Variants in TAFA2 observed in about 807,000 individuals in gnomAD.
The protein encoded by TAFA2 is chemokine-like protein TAFA-2.
A neutral mutation model predicts 18.8 loss-of-function variants in TAFA2; 7 were observed. That is an observed-to-expected ratio of 0.37 (90% CI 0.21 to 0.70). The LOEUF is 0.70. Among genes scored for constraint, TAFA2 ranks in the 30% least tolerant of loss-of-function variants. The pLI is 0.53. For synonymous variants in TAFA2, 60 were observed against 54.2 expected (o/e 1.11, Z -0.47); for missense variants, 122 against 158.1 (o/e 0.77, Z 1.23).
chr12:62,158,163 A>G (rs1428861898), intron 1 of TAFA2, among the ~76,000 whole-genome samples: 1 of 152,204 alleles, frequency 6.6e-6, no homozygotes, highest in Non-Finnish European at 1.5e-5. Context: ...TGTATAATCT[A>G]AAGAGATAGA....
intron 1 of TAFA2, among the ~76,000 whole-genome samples, chr12:62,110,414 A>C (rs905361524): frequency 1.3e-5 from 2 of 152,108 alleles, no homozygotes; most frequent in Non-Finnish European, 2.9e-5. Flanking sequence ...CTTGATGTTC[A>C]TCAGGGATAT....
chr12:61,733,476 C>T (rs998567724), intron 4 of TAFA2, among the ~76,000 whole-genome samples: 18 of 151,712 alleles, frequency 1.2e-4, no homozygotes, highest in African/African-American at 4.1e-4. Context: ...GATCCAGTTT[C>T]AGCTTTCTAC....
At chr12:62,198,781 C>T (rs545755782) in intron 1 of TAFA2, among the ~76,000 whole-genome samples, 5 of 152,312 alleles carry the variant, frequency 3.3e-5, no homozygotes, top group African/African-American at 1.2e-4. Context: ...TTAACTTATG[C>T]TATCCCCATC....
At chr12:61,755,751 A>G (rs1193153915) in intron 2 of TAFA2, among the ~76,000 whole-genome samples, 1 of 151,988 alleles carries the variant, frequency 6.6e-6, no homozygotes, top group Non-Finnish European at 1.5e-5. Context: ...CATTTTGTCA[A>G]CCTTGAATAA....
At chr12:62,161,668 A>C (rs1228035476) in intron 1 of TAFA2, among the ~76,000 whole-genome samples, 1 of 152,210 alleles carries the variant, frequency 6.6e-6, no homozygotes, top group Non-Finnish European at 1.5e-5. Context: ...CACTTGTAAC[A>C]AAATTGTACT....
chr12:62,188,015 G>C (rs1480873110), intron 1 of TAFA2, among the ~76,000 whole-genome samples: 1 of 152,126 alleles, frequency 6.6e-6, no homozygotes, highest in African/African-American at 2.4e-5. Context: ...CCAAAAGCAG[G>C]CTATATCATG....
chr12:61,925,317 A>G (rs1877240370), intron 1 of TAFA2, among the ~76,000 whole-genome samples: 1 of 152,226 alleles, frequency 6.6e-6, no homozygotes, highest in Non-Finnish European at 1.5e-5. Flanking sequence ...TTATTATAAA[A>G]TTGACCACAT....
At chr12:61,897,239 C>G (rs987792656) in intron 1 of TAFA2, among the ~76,000 whole-genome samples, 1 of 152,070 alleles carries the variant, frequency 6.6e-6, no homozygotes, top group Non-Finnish European at 1.5e-5. Context: ...GACTGTACAT[C>G]CTTAATGAAT....
intron 1 of TAFA2, among the ~76,000 whole-genome samples, chr12:62,013,037 A>C (rs1260952105): frequency 6.6e-6 from 1 of 152,166 alleles, no homozygotes; most frequent in Non-Finnish European, 1.5e-5. Context: ...AAGCACAAAG[A>C]TTACAAGGGG....
intron 1 of TAFA2, among the ~76,000 whole-genome samples, chr12:61,916,829 C>T (rs1251886282): frequency 6.6e-6 from 1 of 152,110 alleles, no homozygotes; most frequent in Non-Finnish European, 1.5e-5. Context: ...CTAACATGCT[C>T]TCCATTTTTT....
intron 1 of TAFA2, among the ~76,000 whole-genome samples, chr12:62,222,795 T>A (rs2062769577): frequency 1.3e-5 from 2 of 152,024 alleles, no homozygotes; most frequent in African/African-American, 4.8e-5. Flanking sequence ...ATTACAGGCG[T>A]GAGCCATTGT....
intron 1 of TAFA2, among the ~76,000 whole-genome samples, chr12:61,887,655 A>G (rs1031209146): frequency 1.8e-4 from 25 of 142,614 alleles, no homozygotes; most frequent in African/African-American, 4.9e-4. Flanking sequence ...TCATTGTTCA[A>G]TTCCCACCTA....
chr12:62,198,504 G>A (rs1026005950), intron 1 of TAFA2: 11 of 152,066 alleles, frequency 7.2e-5, no homozygotes, highest in Admixed American at 5.9e-4. Context: ...TGCAAGATAC[G>A]GTATTATAAC....
intron 2 of TAFA2, among the ~76,000 whole-genome samples, chr12:61,773,503 A>G (rs1870121876): frequency 1.3e-5 from 2 of 152,100 alleles, no homozygotes; most frequent in Non-Finnish European, 2.9e-5. Context: ...TGGCATAAAA[A>G]TAGGCACATA....
chr12:62,185,714 G>A (rs1030671078), intron 1 of TAFA2, among the ~76,000 whole-genome samples: 6 of 152,230 alleles, frequency 3.9e-5, no homozygotes, highest in African/African-American at 1.4e-4. Flanking sequence ...TATAAATGTT[G>A]TTTTTCTCAA....
chr12:61,955,172 T>C (rs1453848778), intron 1 of TAFA2, among the ~76,000 whole-genome samples: 1 of 152,176 alleles, frequency 6.6e-6, no homozygotes, highest in African/African-American at 2.4e-5. Context: ...CTAGCTGCTA[T>C]TTATTGCTTA....
intron 1 of TAFA2, among the ~76,000 whole-genome samples, chr12:62,216,896 A>G (rs1233720602): frequency 6.6e-6 from 1 of 152,236 alleles, no homozygotes; most frequent in East Asian, 1.9e-4. Flanking sequence ...TAGCATATAC[A>G]TTACGGTATA....
At chr12:61,785,886 CA>C (rs571908599) in intron 2 of TAFA2, among the ~76,000 whole-genome samples, 141 of 151,466 alleles carry the variant, frequency 9.3e-4, no homozygotes, top group African/African-American at 3.3e-3. Flanking sequence ...ATGAAAATCA[CA>C]AACACAGTAT....
intron 1 of TAFA2, among the ~76,000 whole-genome samples, chr12:61,990,690 G>T (rs1203602432): frequency 4.6e-5 from 7 of 152,070 alleles, no homozygotes; most frequent in Non-Finnish European, 1.0e-4. Flanking sequence ...CAACACACAG[G>T]GTTGTCGTAA....
Sources: allele counts gnomAD v4.1 joint callset (sites outside exome capture counted in the v4.1 genomes callset), GRCh38; gene constraint gnomAD v4.1.1; transcripts MANE v1.5; gene names NCBI Gene and HGNC (gene_info 2026-07-23, HGNC 2026-07-21).